Variants in IDE observed in about 807,000 individuals in gnomAD.
IDE encodes insulin-degrading enzyme.
In IDE, 58 loss-of-function variants were observed where a neutral mutation model predicts 133.2. The observed-to-expected ratio is 0.44, with a 90% confidence interval of 0.35 to 0.54. The LOEUF (loss-of-function observed/expected upper bound fraction) is 0.54, where lower values mean the gene tolerates loss of function less well. Ranked by LOEUF, IDE falls within the 20% of genes least tolerant of loss-of-function variation. The pLI, the probability that IDE is intolerant of heterozygous loss-of-function variation, is 0.00. For missense variants in IDE, 981 were observed against 1,234.0 expected, an observed-to-expected ratio of 0.79 and a Z score of 3.07; for synonymous variants, 396 against 421.3, an observed-to-expected ratio of 0.94 and a Z score of 0.73.
chr10:92,531,973 T>G (rs1315853957), intron 3 of IDE, 56 bp from the exon 4 acceptor site: 11 of 1,247,746 alleles, frequency 8.8e-6, no homozygotes, highest in Non-Finnish European at 1.2e-5. Context: ...AACAATAGCC[T>G]TTTAGAAAGA....
intron 2 of IDE, among the ~76,000 whole-genome samples, chr10:92,535,769 C>T (rs1841963625): frequency 6.6e-6 from 1 of 152,184 alleles, no homozygotes; most frequent in African/African-American, 2.4e-5. Context: ...GGCACAGTGG[C>T]CCACACCCGT....
chr10:92,532,232 G>T (rs569843061), intron 3 of IDE, among the ~76,000 whole-genome samples: 1 of 148,158 alleles, frequency 6.7e-6, no homozygotes, highest in Non-Finnish European at 1.5e-5. Context: ...AATTTGGTAC[G>T]TCTATAAAAA....
At chr10:92,533,520 T>C (rs1564656514) in intron 3 of IDE, among the ~76,000 whole-genome samples, 2 of 152,132 alleles carry the variant, frequency 1.3e-5, no homozygotes, top group Admixed American at 6.5e-5. Flanking sequence ...AATTTCATTA[T>C]AGATCCAAAA....
intron 11 of IDE, among the ~76,000 whole-genome samples, chr10:92,493,718 T>C (rs757982970): frequency 6.6e-5 from 10 of 152,178 alleles, no homozygotes; most frequent in Non-Finnish European, 1.3e-4. Flanking sequence ...ACAAGCACAG[T>C]TCCTCAGACT....
chr10:92,475,032 T>C, intron 16 of IDE, 71 bp from the exon 17 acceptor site: 8 of 1,211,188 alleles, frequency 6.6e-6, no homozygotes, highest in Non-Finnish European at 9.4e-6. Context: ...CCAGTTATAA[T>C]CAAATTTCAA....
intron 1 of IDE, among the ~76,000 whole-genome samples, chr10:92,564,093 G>C (rs1323252742): frequency 6.6e-6 from 1 of 152,072 alleles, no homozygotes. Flanking sequence ...GAAATCACCA[G>C]AAGATCTACA....
chr10:92,493,587 TA>T (rs1240906477), intron 11 of IDE, among the ~76,000 whole-genome samples: 453 of 139,722 alleles, frequency 3.2e-3, no homozygotes, highest in Admixed American at 4.0e-3. Flanking sequence ...ATGCTCAGGT[TA>T]AAAAAAAAAA....
At chr10:92,493,418 G>T (rs531328364) in intron 11 of IDE, among the ~76,000 whole-genome samples, 2 of 147,010 alleles carry the variant, frequency 1.4e-5, no homozygotes, top group Admixed American at 6.9e-5. Flanking sequence ...TAGAGACAGG[G>T]TCTCACTCTG....
chr10:92,508,668 A>G, intron 7 of IDE, 60 bp downstream of exon 7: 1 of 1,500,158 alleles, frequency 6.7e-7, no homozygotes, highest in Non-Finnish European at 9.3e-7. Flanking sequence ...TCAGGAGAAA[A>G]TGAGAGCCAG....
Position 92,507,594 on chromosome 10 carries a change from C to G in IDE, c.1226G>C (p.Trp409Ser), listed in dbSNP as rs1391198204. Residue 409 changes from tryptophan to serine, a missense_variant, in exon 9 of 25, where the codon TGG becomes TCG. Physicochemically the swap from Trp to Ser is radical, Grantham distance 177. Transcript: ENST00000265986. ...QKLRAEGPQE[W>S]VFQECKDLNA... ...AAGTACCTTGCACTCTTGGAAAACC[C>G]ATTCTTGAGGTCCTTCTGCACGTAA... 6.2e-7 allele frequency: 1 copy of G among 1,603,516 alleles called. No homozygotes were observed. The highest frequency in any genetic ancestry group is 8.5e-7 in the Non-Finnish European group (1 of 1,170,344).
In IDE at chr10:92,459,974, C is replaced by T. The variant is rs1202921802; in HGVS notation, c.2823+1217G>A. ...CCTCCTGAGTAGCTGGGATTACAGG[C>T]ACCCGCCACCATGCCCAGCTAATTT... On this transcript the variant is annotated intron_variant, in intron 22 of 24. Coordinates refer to ENST00000265986, the MANE Select transcript of IDE (RefSeq NM_004969.4). Among the ~76,000 whole-genome samples the T allele has an allele frequency of 5.9e-5, 9 of 151,912 alleles. No homozygotes were observed. The East Asian group carries it at 1.7e-3, about 29-fold the overall frequency.
chr10:92,520,105 A>G (rs1278155817), intron 4 of IDE, among the ~76,000 whole-genome samples: 2 of 152,170 alleles, frequency 1.3e-5, no homozygotes, highest in Non-Finnish European at 2.9e-5. Flanking sequence ...ACTCCATCTC[A>G]TAAATAAATA....
chr10:92,485,490 T>C (rs971118869), intron 13 of IDE, among the ~76,000 whole-genome samples: 5 of 152,326 alleles, frequency 3.3e-5, no homozygotes, highest in Admixed American at 2.0e-4. Context: ...ATAACCAACA[T>C]GGCCAAGGAT....
At chr10:92,455,341 T>TGGC (rs1844934177) in intron 24 of IDE, among the ~76,000 whole-genome samples, 1 of 152,270 alleles carries the variant, frequency 6.6e-6, no homozygotes, top group South Asian at 2.1e-4. Context: ...CTGGGCATGG[T>TGGC]GGCGTGTGCC....
At chr10:92,515,201 T>C (rs1048311878) in intron 4 of IDE, among the ~76,000 whole-genome samples, 159 bp from the exon 5 acceptor site, 4 of 151,906 alleles carry the variant, frequency 2.6e-5, no homozygotes, top group African/African-American at 9.7e-5. Flanking sequence ...ATAAACAGGA[T>C]AATAGAGTAC....
chr10:92,544,575 C>T (rs1449268400), intron 1 of IDE, among the ~76,000 whole-genome samples: 1 of 152,316 alleles, frequency 6.6e-6, no homozygotes, highest in Non-Finnish European at 1.5e-5. Flanking sequence ...TGAAGGAAAT[C>T]ATACACTGGT....
intron 1 of IDE, among the ~76,000 whole-genome samples, chr10:92,549,222 A>T (rs1336549528): frequency 6.6e-6 from 1 of 151,742 alleles, no homozygotes; most frequent in East Asian, 1.9e-4. Context: ...GTGCCACTGC[A>T]CTCCAGCCTG....
intron 13 of IDE, among the ~76,000 whole-genome samples, chr10:92,483,589 A>C (rs1303963155): frequency 2.0e-5 from 3 of 152,168 alleles, no homozygotes; most frequent in African/African-American, 7.2e-5. Flanking sequence ...GGTACAGTGA[A>C]GGAAGAGACA....
chr10:92,549,532 A>C (rs972045518), intron 1 of IDE, among the ~76,000 whole-genome samples: 1 of 152,148 alleles, frequency 6.6e-6, no homozygotes, highest in South Asian at 2.1e-4. Flanking sequence ...ACTGATAATG[A>C]AAGAGAAAGA....
Sources: gnomAD v4.1 joint callset for allele counts (sites outside exome capture counted in the v4.1 genomes callset) on GRCh38, gnomAD v4.1.1 for gene constraint, MANE v1.5 for transcripts, NCBI Gene and HGNC (gene_info 2026-07-23, HGNC 2026-07-21) for gene names.